The following AUH variants were observed in gnomAD, a reference collection of about 807,000 sequenced individuals.
AUH encodes the protein methylglutaconyl-CoA hydratase, mitochondrial.
AUH carries 29 observed loss-of-function variants against 42.3 expected under a neutral mutation model. That is an observed-to-expected ratio of 0.69 (90% CI 0.51 to 0.93). The LOEUF is 0.93. Among genes scored for constraint, AUH ranks in the 40% least tolerant of loss-of-function variants. The pLI is 0.00. For missense variants in AUH, 452 were observed against 438.1 expected (o/e 1.03, Z -0.28); for synonymous variants, 174 against 166.4 (o/e 1.05, Z -0.35).
intron 6 of AUH, among the ~76,000 whole-genome samples, chr9:91,281,171 C>G (rs1244823302): frequency 6.6e-6 from 1 of 152,138 alleles, no homozygotes; most frequent in African/African-American, 2.4e-5. Context: ...TCAGTATTAT[C>G]CCACAGGTTC....
intron 4 of AUH, among the ~76,000 whole-genome samples, chr9:91,324,908 G>T (rs993749654): frequency 6.6e-6 from 1 of 151,744 alleles, no homozygotes; most frequent in Admixed American, 6.6e-5. Flanking sequence ...TTTTGGATAA[G>T]ACTGGATTAA....
At chr9:91,221,939 A>G (rs1254054193) in intron 6 of AUH, among the ~76,000 whole-genome samples, 2 of 152,200 alleles carry the variant, frequency 1.3e-5, no homozygotes, top group Admixed American at 1.3e-4. Flanking sequence ...GAAGAAATGA[A>G]AACAGCTTCA....
chr9:91,354,976 A>G lies in AUH; in HGVS notation c.418+907T>C, dbSNP rs1309346740. ...AAAACCCTTATAAGCACTCCTACTA[A>G]GCAGACAGTATTACTCACATTTGAC... is the stretch of plus-strand genomic sequence containing the variant. On this transcript the variant is annotated intron_variant, in intron 3 of 9. Transcript: ENST00000375731. 2.0e-5 allele frequency among the ~76,000 whole-genome samples: 3 copies of G among 152,326 alleles called. No individual in the cohort carries two copies. In the East Asian group the frequency reaches 5.8e-4, roughly 29 times the overall value.
At position 91,251,178 on chromosome 9, in the gene AUH, G is replaced by A. The variant is rs957603460; in HGVS notation, c.656-30186C>T. 3.9e-5 allele frequency among the ~76,000 whole-genome samples: 6 copies of A among 152,264 alleles called. No individual in the cohort carries two copies. In the South Asian group the frequency reaches 8.3e-4, roughly 21 times the overall value. Reference sequence around the variant, plus strand: ...ATGGGCTTGCCATTATGAACATTCCGGGAGGTCGCCATGTCCTCTCCTTGC... The same window carrying A: ...ATGGGCTTGCCATTATGAACATTCCAGGAGGTCGCCATGTCCTCTCCTTGC... On this transcript the variant is annotated intron_variant, in intron 6 of 9. Coordinates refer to ENST00000375731, the MANE Select transcript of AUH (RefSeq NM_001698.3).
chr9:91,356,214 ACT>A, intron 1 of AUH, 59 bp from the exon 2 acceptor site: 1 of 1,327,446 alleles, frequency 7.5e-7, no homozygotes, highest in Non-Finnish European at 1.1e-6. Flanking sequence ...CAGAGAACAG[ACT>A]CTACATCACA....
At chr9:91,218,976 T>G in intron 7 of AUH, 1 of 985,444 alleles carries the variant, frequency 1.0e-6, no homozygotes, top group Non-Finnish European at 1.2e-6. Flanking sequence ...AAATTAATTT[T>G]AACAATCAAC....
intron 3 of AUH, among the ~76,000 whole-genome samples, chr9:91,338,531 A>G (rs908951111): frequency 6.6e-6 from 1 of 152,280 alleles, no homozygotes. Context: ...CCCAGGTTCC[A>G]GCAATTCTCC....
intron 6 of AUH, among the ~76,000 whole-genome samples, chr9:91,244,951 A>C (rs891129982): frequency 6.6e-6 from 1 of 152,246 alleles, no homozygotes; most frequent in African/African-American, 2.4e-5. Flanking sequence ...ACTGAAAACA[A>C]AATATGCATT....
rs547093326 is a variant in AUH, at chr9:91,220,910, T to C, written c.738A>G (p.Lys246=). 6 of 1,614,258 alleles carry C rather than the reference T, an allele frequency of 3.7e-6. No homozygotes were observed. The South Asian group carries it at 6.6e-5, about 18-fold the overall frequency. Residue 246 remains lysine (K), a synonymous_variant, in exon 7 of 10, where the codon AAA becomes AAG. Transcript: ENST00000375731. ...LIFSARVLDG[K]EAKAVGLISH... is the part of the protein sequence containing the mutation. Reference sequence around the variant, plus strand: ...TGATTAAGCCCACTGCTTTGGCTTCTTTGCCATCGAGGACTCGCGCAGAGA... The same window carrying C: ...TGATTAAGCCCACTGCTTTGGCTTCCTTGCCATCGAGGACTCGCGCAGAGA...
chr9:91,262,969 C>T (rs894225082), intron 6 of AUH, among the ~76,000 whole-genome samples: 2 of 152,178 alleles, frequency 1.3e-5, no homozygotes, highest in Non-Finnish European at 2.9e-5. Context: ...AGGTATGTTT[C>T]TTGAGTGTTG....
At chr9:91,297,890 C>T in intron 5 of AUH, 94 bp downstream of exon 5, 1 of 1,045,960 alleles carries the variant, frequency 9.6e-7, no homozygotes, top group Non-Finnish European at 1.4e-6. Context: ...TTCTACTCAA[C>T]AACAGGAAGC....
At chr9:91,293,542 A>G (rs1166119691) in intron 6 of AUH, among the ~76,000 whole-genome samples, 4 of 152,214 alleles carry the variant, frequency 2.6e-5, no homozygotes, top group Non-Finnish European at 5.9e-5. Context: ...CTCTTTAACT[A>G]TAACTCTTAA....
chr9:91,298,828 T>C (rs1246111407), intron 4 of AUH, among the ~76,000 whole-genome samples: 1 of 152,244 alleles, frequency 6.6e-6, no homozygotes, highest in Admixed American at 6.5e-5. Flanking sequence ...TTTTATTAGT[T>C]ATTCTGAAAA....
At chr9:91,292,353 A>C (rs1018077718) in intron 6 of AUH, among the ~76,000 whole-genome samples, 1 of 142,392 alleles carries the variant, frequency 7.0e-6, no homozygotes, top group Admixed American at 7.6e-5. Context: ...ATCTCGGCTC[A>C]CTGCAATTTC....
At chr9:91,276,506 G>C (rs1186279150) in intron 6 of AUH, among the ~76,000 whole-genome samples, 1 of 151,664 alleles carries the variant, frequency 6.6e-6, no homozygotes, top group African/African-American at 2.4e-5. Context: ...AGAGTAATGT[G>C]ACTTTAATAA....
At chr9:91,309,320 C>T (rs1828517844) in intron 4 of AUH, among the ~76,000 whole-genome samples, 1 of 151,988 alleles carries the variant, frequency 6.6e-6, no homozygotes, top group African/African-American at 2.4e-5. Context: ...AATACACAAA[C>T]TGTCTCAAAG....
At chr9:91,361,601 C>A in intron 1 of AUH, 27 bp downstream of exon 1, 1 of 1,566,830 alleles carries the variant, frequency 6.4e-7, no homozygotes, top group Non-Finnish European at 8.6e-7. Context: ...CCCGCTGCCC[C>A]GCGCCTGCCC....
At chr9:91,224,471 T>A (rs1274066937) in intron 6 of AUH, among the ~76,000 whole-genome samples, 1 of 152,194 alleles carries the variant, frequency 6.6e-6, no homozygotes, top group Non-Finnish European at 1.5e-5. Flanking sequence ...CCAATTTACC[T>A]CTTTTTTCTC....
intron 3 of AUH, among the ~76,000 whole-genome samples, chr9:91,330,861 A>C (rs1450119621): frequency 6.6e-6 from 1 of 152,230 alleles, no homozygotes; most frequent in Non-Finnish European, 1.5e-5. Flanking sequence ...ATTTGGCGAT[A>C]AAAGTCATAA....
Sources: allele counts gnomAD v4.1 joint callset (sites outside exome capture counted in the v4.1 genomes callset), GRCh38; gene constraint gnomAD v4.1.1; transcripts MANE v1.5; gene names NCBI Gene and HGNC (gene_info 2026-07-23, HGNC 2026-07-21).